Variants in FARSB observed in about 807,000 individuals in gnomAD.
FARSB encodes the protein phenylalanyl-tRNA synthetase subunit beta.
Under a neutral mutation model 69.6 loss-of-function variants are expected in FARSB, and 40 were observed. The observed-to-expected ratio is 0.57, with a 90% confidence interval of 0.45 to 0.75. The LOEUF (loss-of-function observed/expected upper bound fraction) is 0.75, where lower values mean the gene tolerates loss of function less well. Among genes scored for constraint, FARSB ranks in the 30% least tolerant of loss-of-function variants. The pLI, the probability that FARSB is intolerant of heterozygous loss-of-function variation, is 0.00. For missense variants in FARSB, 632 were observed against 722.9 expected, an observed-to-expected ratio of 0.87 and a Z score of 1.44; for synonymous variants, 235 against 247.2, an observed-to-expected ratio of 0.95 and a Z score of 0.46.
At chr2:222,650,103 T>C (rs1415926470) in intron 1 of FARSB, among the ~76,000 whole-genome samples, 2 of 152,232 alleles carry the variant, frequency 1.3e-5, no homozygotes, top group Non-Finnish European at 2.9e-5. Context: ...GTTTCTCTTA[T>C]GGTCAGCTAA....
intron 16 of FARSB, among the ~76,000 whole-genome samples, chr2:222,577,726 C>G (rs567516356): frequency 6.6e-6 from 1 of 152,284 alleles, no homozygotes; most frequent in Admixed American, 6.5e-5. Context: ...TATTTAGAAT[C>G]GTAACTCCAA....
chr2:222,593,218 A>T (rs2106191546), intron 16 of FARSB, among the ~76,000 whole-genome samples: 1 of 152,284 alleles, frequency 6.6e-6, no homozygotes, highest in African/African-American at 2.4e-5. Flanking sequence ...GGTATGAAAA[A>T]AATCTTCCAT....
chr2:222,648,778 C>G lies in FARSB; in HGVS notation c.76G>C (p.Glu26Gln). 1 of 1,603,214 alleles carries G rather than the reference C, an allele frequency of 6.2e-7. No homozygotes were observed. Residue 26 changes from glutamate to glutamine, a missense_variant, in exon 2 of 17, where the codon GAA becomes CAA. Coordinates refer to ENST00000281828, the MANE Select transcript of FARSB (RefSeq NM_005687.5). ...TCCAGACCAAATTCAAAACATAGTT[C>G]ATCAAATTCTTCGTCAGCTAGGAAA... ...GRTYTDEEFD[E>Q]LCFEFGLELD...
At chr2:222,603,096 TTA>T (rs2106200286) in intron 15 of FARSB, among the ~76,000 whole-genome samples, 1 of 152,322 alleles carries the variant, frequency 6.6e-6, no homozygotes, top group South Asian at 2.1e-4. Flanking sequence ...TCATTTAACT[TTA>T]TAACACTTGT....
chr2:222,639,721 T>G lies in FARSB; in HGVS notation c.340-26A>C, dbSNP rs563265187. 33 of 1,113,958 alleles carry G rather than the reference T, an allele frequency of 3.0e-5. No homozygotes were observed. The South Asian group carries it at 5.0e-4, about 17-fold the overall frequency. 69.0% of individuals were successfully genotyped at this position (1,113,958 alleles called of 1,614,324 possible). ...CTGAAATTCATAATATCATTAGAGA[T>G]AGCAAACAGTAAGGCTTTTCTTTGT... is the stretch of plus-strand genomic sequence containing the variant. On this transcript the variant is annotated intron_variant, in intron 4 of 16. Transcript: ENST00000281828.
intron 14 of FARSB, 28 bp from the exon 15 acceptor site, chr2:222,613,956 G>A (rs1690928789): frequency 7.8e-7 from 1 of 1,287,948 alleles, no homozygotes; most frequent in South Asian, 1.2e-5. Context: ...AAATTGCACT[G>A]ACCAAATAGG....
At chr2:222,603,998 C>A (rs540118978) in intron 15 of FARSB, among the ~76,000 whole-genome samples, 1 of 152,004 alleles carries the variant, frequency 6.6e-6, no homozygotes, top group African/African-American at 2.4e-5. Flanking sequence ...AGGCGGATCA[C>A]AAGGTCAGGA....
At chr2:222,627,191 T>C (rs998912415) in intron 10 of FARSB, among the ~76,000 whole-genome samples, 1 of 152,216 alleles carries the variant, frequency 6.6e-6, no homozygotes, top group African/African-American at 2.4e-5. Context: ...GGCCTTGCAA[T>C]GTGACACTGC....
At chr2:222,605,389 G>C (rs1690679034) in intron 15 of FARSB, among the ~76,000 whole-genome samples, 1 of 152,106 alleles carries the variant, frequency 6.6e-6, no homozygotes, top group Non-Finnish European at 1.5e-5. Flanking sequence ...TTCCATTTTT[G>C]CTGTGAGAGA....
At chr2:222,602,488 G>A (rs983099045) in intron 15 of FARSB, among the ~76,000 whole-genome samples, 2 of 151,616 alleles carry the variant, frequency 1.3e-5, no homozygotes, top group African/African-American at 4.8e-5. Flanking sequence ...TAATTTGTGA[G>A]TAGTCATACA....
chr2:222,625,764 C>T (rs1033588348), intron 10 of FARSB, among the ~76,000 whole-genome samples: 27 of 152,268 alleles, frequency 1.8e-4, no homozygotes, highest in African/African-American at 6.3e-4. Flanking sequence ...TTACTTAATC[C>T]TCACAACAGA....
intron 16 of FARSB, among the ~76,000 whole-genome samples, chr2:222,574,286 T>G (rs916821012): frequency 6.6e-6 from 1 of 152,190 alleles, no homozygotes; most frequent in Non-Finnish European, 1.5e-5. Flanking sequence ...CAAAAAATAT[T>G]TGTGTCACTA....
At chr2:222,641,364 A>C (rs563763654) in intron 3 of FARSB, among the ~76,000 whole-genome samples, 1 of 152,246 alleles carries the variant, frequency 6.6e-6, no homozygotes, top group Non-Finnish European at 1.5e-5. Context: ...GCCCTACTGA[A>C]TAAAATAAGT....
At chr2:222,640,488 G>A (rs545385028) in intron 4 of FARSB, among the ~76,000 whole-genome samples, 2 of 151,922 alleles carry the variant, frequency 1.3e-5, no homozygotes, top group African/African-American at 4.8e-5. Context: ...GCCAGGTGTG[G>A]TGGCGTGTGT....
intron 14 of FARSB, among the ~76,000 whole-genome samples, chr2:222,615,079 T>C (rs948242957): frequency 3.9e-5 from 6 of 152,140 alleles, no homozygotes; most frequent in Admixed American, 3.3e-4. Context: ...TCCTAAGAAA[T>C]GCATACCCTG....
intron 7 of FARSB, among the ~76,000 whole-genome samples, 188 bp downstream of exon 7, chr2:222,633,011 T>C (rs1283124645): frequency 2.0e-5 from 3 of 152,112 alleles, no homozygotes; most frequent in Admixed American, 6.6e-5. Context: ...ATAAGTTACA[T>C]AAGAATCACC....
chr2:222,582,599 T>A (rs898679122), intron 16 of FARSB, among the ~76,000 whole-genome samples: 1 of 152,094 alleles, frequency 6.6e-6, no homozygotes, highest in African/African-American at 2.4e-5. Context: ...GAAACTATGA[T>A]AGATAAATAG....
In FARSB at chr2:222,597,536, T is replaced by C. The variant is rs562720636; in HGVS notation, c.1618+2392A>G. ...TATTCTGTATGGGTGCTAAATTATATGGAATTCAAATTATAACATCATAAG... is the reference window on the plus strand; with the variant it reads ...TATTCTGTATGGGTGCTAAATTATACGGAATTCAAATTATAACATCATAAG... On this transcript the variant is annotated intron_variant, in intron 16 of 16. Coordinates refer to ENST00000281828, the MANE Select transcript of FARSB (RefSeq NM_005687.5). 5.9e-5 allele frequency among the ~76,000 whole-genome samples: 9 copies of C among 152,282 alleles called. No individual in the cohort carries two copies. The South Asian group carries it at 1.2e-3, about 21-fold the overall frequency.
At chr2:222,605,161 T>TCTCTCTCTCTCTCTCTCTCTCTCTCTCTC (rs1690667824) in intron 15 of FARSB, among the ~76,000 whole-genome samples, 2 of 132,674 alleles carry the variant, frequency 1.5e-5, no homozygotes, top group African/African-American at 6.0e-5. Context: ...AATACAAACT[T>TCTCTCTCTCTCTCTCTCTCTCTCTCTCTC]TCTCTCTCTC....
Sources: gnomAD v4.1 joint callset for allele counts (sites outside exome capture counted in the v4.1 genomes callset) on GRCh38, gnomAD v4.1.1 for gene constraint, MANE v1.5 for transcripts, NCBI Gene and HGNC (gene_info 2026-07-23, HGNC 2026-07-21) for gene names.